The following SETD2 variants were observed in gnomAD, a reference collection of about 807,000 sequenced individuals.
The protein encoded by SETD2 is SET domain containing 2, histone lysine methyltransferase.
SETD2 carries 31 observed loss-of-function variants against 242.1 expected under a neutral mutation model. The observed-to-expected ratio is 0.13, with a 90% CI of 0.10 to 0.17. SETD2 has a LOEUF of 0.17. Among genes scored for constraint, SETD2 ranks in the 10% least tolerant of loss-of-function variants. SETD2 has a pLI of 1.00. For missense variants in SETD2, 2,481 were observed against 3,046.3 expected, an observed-to-expected ratio of 0.81 and a Z score of 4.37; for synonymous variants, 1,006 against 1,066.5, an observed-to-expected ratio of 0.94 and a Z score of 1.11.
chr3:47,071,041 C>A (rs1443752184), intron 12 of SETD2, among the ~76,000 whole-genome samples: 1 of 152,088 alleles, frequency 6.6e-6, no homozygotes, highest in Non-Finnish European at 1.5e-5. Context: ...GTGATCATAG[C>A]TCACTGCACC....
chr3:47,152,690 T>C (rs549320243), intron 1 of SETD2, among the ~76,000 whole-genome samples: 6 of 152,314 alleles, frequency 3.9e-5, no homozygotes, highest in African/African-American at 4.8e-5. Flanking sequence ...ATTACGATAA[T>C]AGTCCTCCCC....
intron 1 of SETD2, among the ~76,000 whole-genome samples, chr3:47,146,668 G>A (rs1000556641): frequency 5.3e-5 from 8 of 151,726 alleles, no homozygotes; most frequent in Non-Finnish European, 1.2e-4. Context: ...CAGGCATGAT[G>A]GCACATGCCT....
At chr3:47,118,810 T>C (rs1311658257) in intron 3 of SETD2, among the ~76,000 whole-genome samples, 4 of 152,090 alleles carry the variant, frequency 2.6e-5, no homozygotes, top group Admixed American at 1.3e-4. Context: ...AGTCAGAGAA[T>C]TGGACTGATT....
At chr3:47,134,759 G>T (rs538091899) in intron 1 of SETD2, among the ~76,000 whole-genome samples, 2 of 152,182 alleles carry the variant, frequency 1.3e-5, no homozygotes, top group Non-Finnish European at 2.9e-5. Context: ...GAGTAGCTGG[G>T]ATTATAGGCA....
At chr3:47,099,200 A>C (rs1294584439) in intron 8 of SETD2, among the ~76,000 whole-genome samples, 2 of 152,232 alleles carry the variant, frequency 1.3e-5, no homozygotes, top group Non-Finnish European at 2.9e-5. Context: ...ACCAGACTGA[A>C]CAGAGTACAG....
chr3:47,157,285 G>C (rs142260142), intron 1 of SETD2, among the ~76,000 whole-genome samples: 281 of 152,130 alleles, frequency 1.8e-3, no homozygotes, highest in Non-Finnish European at 3.2e-3. Context: ...AGCCAGGAGT[G>C]GTGGTGCACA....
rs2107646132 is a variant in SETD2 at position 47,086,279 on chromosome 3, C to A, written c.5313G>T (p.Leu1771=). 1 of 1,613,080 alleles carries A rather than the reference C, an allele frequency of 6.2e-7. No homozygotes were observed. The highest frequency in any genetic ancestry group is 1.1e-5 in the South Asian group (1 of 91,058). ...THSQSCLKSF[L]ERHGLSLLWI... ...ACAACAAAGACAGCCCATGACGTTC[C>A]AGAAAGGACTTCAGGCAGGACTGTG... is the stretch of plus-strand genomic sequence containing the variant. Residue 1771 remains leucine (L), a synonymous_variant, in exon 11 of 21, where the codon CTG becomes CTT. Coordinates refer to ENST00000409792, the MANE Select transcript of SETD2 (RefSeq NM_014159.7).
chr3:47,038,632 A>C (rs1317067124), intron 17 of SETD2, among the ~76,000 whole-genome samples: 2 of 152,142 alleles, frequency 1.3e-5, no homozygotes, highest in Admixed American at 6.5e-5. Flanking sequence ...CAAACAAAAA[A>C]AAAAACAAAA....
chr3:47,056,540 T>A (rs1397724515), intron 15 of SETD2, among the ~76,000 whole-genome samples: 2 of 152,122 alleles, frequency 1.3e-5, no homozygotes, highest in Admixed American at 1.3e-4. Flanking sequence ...AATCTCTATA[T>A]CTAGTTCAGC....
In SETD2 at chr3:47,066,198, CT is replaced by C. The variant is rs1482246127; in HGVS notation, c.6109+871del. On this transcript the variant is annotated intron_variant, in intron 13 of 20. Coordinates refer to ENST00000409792, the MANE Select transcript of SETD2 (RefSeq NM_014159.7). Reference sequence around the variant, plus strand: ...TTTTCTTAATAACATTTTTATCTAGCTTACTTTATTTTAAGAATACAGTTAC... The same window carrying C: ...TTTTCTTAATAACATTTTTATCTAGCTACTTTATTTTAAGAATACAGTTAC... Among the ~76,000 whole-genome samples, 23 of 152,106 alleles carry C rather than the reference CT, an allele frequency of 1.5e-4. No individual in the cohort carries two copies. In the East Asian group the frequency reaches 4.4e-3, roughly 29 times the overall value.
chr3:47,016,666 C>T lies in SETD2; in HGVS notation c.*427G>A, dbSNP rs1443087210. ...TAGCATGTAGAGGCTAAAAGCAAAACGAAAACCAAACAAAAACCAGGAAAA... is the reference window on the plus strand; with the variant it reads ...TAGCATGTAGAGGCTAAAAGCAAAATGAAAACCAAACAAAAACCAGGAAAA... On this transcript the variant is annotated 3_prime_UTR_variant, in exon 21 of 21. Coordinates refer to ENST00000409792, the MANE Select transcript of SETD2 (RefSeq NM_014159.7). 4 of 236,180 alleles carry T rather than the reference C, an allele frequency of 1.7e-5. No individual in the cohort carries two copies. The highest frequency in any genetic ancestry group is 3.3e-5 in the Non-Finnish European group (4 of 119,912). The allele number at this position is 236,180 out of a possible 1,614,324, so 14.6% of individuals were successfully genotyped here. A position where few individuals can be genotyped will look rare whatever the true frequency, so the allele number is the denominator to read the frequency against.
At position 47,061,317 on chromosome 3, in the gene SETD2, C is replaced by A. The variant is rs146163774; in HGVS notation, c.6293+846G>T. On this transcript the variant is annotated intron_variant, in intron 14 of 20. Coordinates refer to ENST00000409792, the MANE Select transcript of SETD2 (RefSeq NM_014159.7). Reference sequence around the variant, plus strand: ...ACTGGCATAAAAACAGACACATAGACCAACAGAACAGAATAGAGAATGCAG... The same window carrying A: ...ACTGGCATAAAAACAGACACATAGAACAACAGAACAGAATAGAGAATGCAG... Among the ~76,000 whole-genome samples, 76 of 152,184 alleles carry A rather than the reference C, an allele frequency of 5.0e-4. No individual in the cohort carries two copies. In the East Asian group the frequency reaches 0.014, roughly 29 times the overall value.
intron 1 of SETD2, among the ~76,000 whole-genome samples, chr3:47,128,827 C>T (rs962277871): frequency 2.6e-5 from 4 of 152,114 alleles, no homozygotes; most frequent in Admixed American, 2.0e-4. Context: ...CATTTTCTTA[C>T]AATCGATGGC....
chr3:47,117,592 T>C (rs1157840244), intron 3 of SETD2, among the ~76,000 whole-genome samples: 2 of 152,162 alleles, frequency 1.3e-5, no homozygotes, highest in Non-Finnish European at 2.9e-5. Context: ...TAAGAGTGAG[T>C]TCTAACTCAA....
chr3:47,131,639 C>T (rs2106761050), intron 1 of SETD2, among the ~76,000 whole-genome samples: 1 of 152,040 alleles, frequency 6.6e-6, no homozygotes, highest in East Asian at 1.9e-4. Context: ...CTGCACCTGG[C>T]CAAATTAATT....
chr3:47,068,402 T>G (rs555934406), intron 12 of SETD2, among the ~76,000 whole-genome samples: 1 of 152,126 alleles, frequency 6.6e-6, no homozygotes, highest in Admixed American at 6.6e-5. Flanking sequence ...CAATACTATA[T>G]GCATGCTGAC....
At chr3:47,160,426 G>A (rs1188470962) in intron 1 of SETD2, among the ~76,000 whole-genome samples, 1 of 151,304 alleles carries the variant, frequency 6.6e-6, no homozygotes, top group Non-Finnish European at 1.5e-5. Flanking sequence ...TCAGCCTCCC[G>A]AGTAGCTGGG....
At position 47,121,500 on chromosome 3, in the gene SETD2, T is replaced by C. The variant is rs199890800; in HGVS notation, c.3136A>G (p.Asn1046Asp). The change falls in exon 3 of 21, where the codon AAT (asparagine) becomes GAT (aspartate). Residue 1046 changes from asparagine (N) to aspartate (D), a missense_variant. By Grantham distance (23) the Asn-to-Asp change is conservative. This residue lies in a region of SETD2 where 1,300 missense variants were observed against 1,259.2 expected (regional missense o/e 1.03). Coordinates refer to ENST00000409792, the MANE Select transcript of SETD2 (RefSeq NM_014159.7). ...GTATCTTCTGAATCACTTTCATCATTTGAACTTTCAGAAGAGCCAGAATAA... is the reference window on the plus strand; with the variant it reads ...GTATCTTCTGAATCACTTTCATCATCTGAACTTTCAGAAGAGCCAGAATAA... ...EDYSGSSESS[N>D]DESDSEDTDS... The C allele has an allele frequency of 2.1e-5, 34 of 1,613,946 alleles. No homozygotes were observed. Among genetic ancestry groups the C allele is most frequent in the East Asian group, 1.6e-4 (7 of 44,880 alleles).
At position 47,017,363 on chromosome 3, in the gene SETD2, C is replaced by A; in HGVS notation, c.7534-109G>T. The A allele has an allele frequency of 8.4e-7, 1 of 1,192,386 alleles. No homozygotes were observed. The highest frequency in any genetic ancestry group is 1.2e-6 in the Non-Finnish European group (1 of 843,832). The allele number at this position is 1,192,386 out of a possible 1,614,324, so 73.9% of individuals were successfully genotyped here. On this transcript the variant is annotated intron_variant, in intron 20 of 20. Transcript: ENST00000409792. This position sits in a 1 kb window ranked among gnomAD's most constrained non-coding sequence, Gnocchi z 4.8. ...CCTGCTGCTTCAGGGCCCTTCTCAC[C>A]AAGACAGGAAGTTAATAAGGGGGTA...
Sources: allele counts gnomAD v4.1 joint callset (sites outside exome capture counted in the v4.1 genomes callset), GRCh38; gene constraint gnomAD v4.1.1; regional missense constraint gnomAD v4.1.1; non-coding constraint Gnocchi (gnomAD v3.1); transcripts MANE v1.5; gene names NCBI Gene and HGNC (gene_info 2026-07-23, HGNC 2026-07-21).